Variants in ANAPC2 observed in about 807,000 individuals in gnomAD.
The protein encoded by ANAPC2 is anaphase promoting complex subunit 2.
A neutral mutation model predicts 84.3 loss-of-function variants in ANAPC2; 29 were observed. The observed-to-expected ratio is 0.34, with a 90% CI of 0.26 to 0.47. The LOEUF (loss-of-function observed/expected upper bound fraction) is 0.47. Ranked by LOEUF, ANAPC2 falls within the 20% of genes least tolerant of loss-of-function variation. The pLI is 1.00. For missense variants in ANAPC2, 857 were observed against 1,131.7 expected (o/e 0.76, Z 3.48); for synonymous variants, 571 against 479.4 (o/e 1.19, Z -2.50).
At chr9:137,187,329 A>C in intron 2 of ANAPC2, 152 bp downstream of exon 2, 1 of 963,858 alleles carries the variant, frequency 1.0e-6, no homozygotes, top group Non-Finnish European at 1.5e-6. Flanking sequence ...TGTGTCCAGG[A>C]CACGCTGCAC....
chr9:137,180,895 G>A lies in ANAPC2; in HGVS notation c.1503C>T (p.Ile501=). The change falls in exon 8 of 13, where the codon ATC becomes ATT. Residue 501 remains isoleucine, a synonymous_variant. Coordinates refer to ENST00000323927, the MANE Select transcript of ANAPC2 (RefSeq NM_013366.4). The part of the protein sequence containing the change: ...KSSSKRRSSD[I]ISLLVSIYGS... ...CGTAGATGCTGACCAGCAGGCTGAT[G>A]ATGTCCGATGAACGCCGCTTGGAGC... The A allele has an allele frequency of 6.2e-7, 1 of 1,613,526 alleles. No homozygotes were observed. The highest frequency in any genetic ancestry group is 8.5e-7 in the Non-Finnish European group (1 of 1,179,934).
intron 8 of ANAPC2, 26 bp downstream of exon 8, chr9:137,180,762 G>C: frequency 6.2e-7 from 1 of 1,603,974 alleles, no homozygotes; most frequent in Non-Finnish European, 8.5e-7. Flanking sequence ...CACCCCTGGA[G>C]ATGGCCAGCG....
intron 3 of ANAPC2, among the ~76,000 whole-genome samples, chr9:137,185,311 C>T (rs561485233): frequency 6.6e-5 from 10 of 152,348 alleles, no homozygotes; most frequent in East Asian, 5.8e-4. Flanking sequence ...CTCTCACACG[C>T]GCCAGTGCCC....
intron 10 of ANAPC2, among the ~76,000 whole-genome samples, chr9:137,179,659 G>C (rs534976982): frequency 7.2e-5 from 11 of 152,348 alleles, no homozygotes; most frequent in East Asian, 3.9e-4. Flanking sequence ...CGGTCCTCAA[G>C]TACCACTGGA....
intron 3 of ANAPC2, 142 bp from the exon 4 acceptor site, chr9:137,185,229 G>T: frequency 1.1e-6 from 1 of 892,956 alleles, no homozygotes; most frequent in Non-Finnish European, 1.6e-6. Flanking sequence ...CTGGAGGCTG[G>T]AGCACATCAA....
chr9:137,175,439 A>G lies in ANAPC2; in HGVS notation c.2054T>C (p.Val685Ala). The change falls in exon 12 of 13, where the codon GTG becomes GCG. Residue 685 changes from valine (V) to alanine (A), a missense_variant. Transcript: ENST00000323927. The part of the protein sequence containing the change: ...SWTLEELSKA[V>A]KMPVALLRRR... ...CCGCAGCAGCGCCACGGGCATCTTC[A>G]CCGCCTTGCTCAGTTCCTCCAGGGT... 9 of 1,597,666 alleles carry G rather than the reference A, an allele frequency of 5.6e-6. No individual in the cohort carries two copies. The highest frequency in any genetic ancestry group is 7.7e-6 in the Non-Finnish European group (9 of 1,173,416).
chr9:137,186,131 G>C, intron 3 of ANAPC2, 93 bp downstream of exon 3: 2 of 1,548,620 alleles, frequency 1.3e-6, no homozygotes, highest in Non-Finnish European at 1.8e-6. Context: ...CCAGGCCTCC[G>C]TGCTCTGGAT....
At position 137,180,781 on chromosome 9, in the gene ANAPC2, G is replaced by C. The variant is rs1834326781; in HGVS notation, c.1610+7C>G. 1 of 1,609,488 alleles carries C rather than the reference G, an allele frequency of 6.2e-7. No individual in the cohort carries two copies. Among genetic ancestry groups the C allele is most frequent in the African/African-American group, 1.3e-5 (1 of 74,928 alleles). ...CCTGGAGATGGCCAGCGCGTCACAG[G>C]CCTCACCGCTCGGGGCTGAAGCTGA... On this transcript the variant is annotated splice_region_variant and intron_variant, in intron 8 of 12. Transcript: ENST00000323927.
At chr9:137,182,532 A>C (rs1834366275) in intron 6 of ANAPC2, among the ~76,000 whole-genome samples, 1 of 152,002 alleles carries the variant, frequency 6.6e-6, no homozygotes, top group Non-Finnish European at 1.5e-5. Context: ...AAAACAAAGA[A>C]CTGGCTCAGA....
In ANAPC2 at chr9:137,174,903, G is replaced by C; in HGVS notation, c.*39C>G. The C allele has an allele frequency of 4.8e-6, 7 of 1,468,600 alleles. No individual in the cohort carries two copies. The highest frequency in any genetic ancestry group is 6.3e-6 in the Non-Finnish European group (7 of 1,105,538). 91.0% of individuals were successfully genotyped at this position (1,468,600 alleles called of 1,614,324 possible). On this transcript the variant is annotated 3_prime_UTR_variant, in exon 13 of 13. Coordinates refer to ENST00000323927, the MANE Select transcript of ANAPC2 (RefSeq NM_013366.4). The surrounding 1 kb of genome is among the most constrained non-coding windows in gnomAD (Gnocchi z 6.1). ...CACGGGAGGACGAGAGCACCTGCAG[G>C]GCAGCGCCTGGCGGGCGGGCGGGCG...
At position 137,187,747 on chromosome 9, in the gene ANAPC2, G is replaced by C; in HGVS notation, c.474C>G (p.Arg158=). The change falls in exon 2 of 13, where the codon CGC becomes CGG. Residue 158 remains arginine, a synonymous_variant. Coordinates refer to ENST00000323927, the MANE Select transcript of ANAPC2 (RefSeq NM_013366.4). ...GLREEVHTML[R]GVLFFSTPRT... Reference sequence around the variant, plus strand: ...TGGGGGTGCTAAAGAACAAGACTCCGCGCAACATAGTGTGGACTTCTTCTC... The same window carrying C: ...TGGGGGTGCTAAAGAACAAGACTCCCCGCAACATAGTGTGGACTTCTTCTC... The C allele has an allele frequency of 6.2e-7, 1 of 1,613,780 alleles. No homozygotes were observed. Among genetic ancestry groups the C allele is most frequent in the Non-Finnish European group, 8.5e-7 (1 of 1,180,026 alleles).
intron 1 of ANAPC2, 44 bp from the exon 2 acceptor site, chr9:137,188,147 G>A (rs1164077947): frequency 1.9e-6 from 3 of 1,579,030 alleles, no homozygotes; most frequent in Admixed American, 1.7e-5. Context: ...ACAACATAGA[G>A]GTGGGGAGAG....
intron 4 of ANAPC2, among the ~76,000 whole-genome samples, chr9:137,184,698 G>A (rs562638549): frequency 1.2e-3 from 164 of 134,670 alleles, no homozygotes; most frequent in Non-Finnish European, 2.0e-3. Context: ...GAGCAGACAC[G>A]GCGAAGGCAC....
chr9:137,188,150 G>A, intron 1 of ANAPC2, 47 bp from the exon 2 acceptor site: 1 of 1,571,816 alleles, frequency 6.4e-7, no homozygotes, highest in South Asian at 1.1e-5. Context: ...ACATAGAGGT[G>A]GGGAGAGGCG....
At chr9:137,186,663 G>A (rs867358295) in intron 2 of ANAPC2, 1 of 412,104 alleles carries the variant, frequency 2.4e-6, no homozygotes, top group Non-Finnish European at 4.4e-6. Context: ...GGGGGCCCTA[G>A]CCTTATCTCC....
At chr9:137,188,178 A>G in intron 1 of ANAPC2, 75 bp from the exon 2 acceptor site, 1 of 1,530,360 alleles carries the variant, frequency 6.5e-7, no homozygotes, top group Non-Finnish European at 8.8e-7. Flanking sequence ...GAAGAAGCTG[A>G]GGGGGAGGCT....
At chr9:137,183,027 G>T in intron 6 of ANAPC2, 98 bp downstream of exon 6, 1 of 967,916 alleles carries the variant, frequency 1.0e-6, no homozygotes, top group Non-Finnish European at 1.6e-6. Flanking sequence ...CTTGTGTCCT[G>T]ACGGCCGAAC....
At chr9:137,176,298 G>A (rs185774642) in intron 10 of ANAPC2, 7 of 158,362 alleles carry the variant, frequency 4.4e-5, no homozygotes, top group African/African-American at 1.7e-4. Context: ...AGAAGCTGGG[G>A]GGCAACGGAG....
chr9:137,183,393 C>T (rs904810803), intron 5 of ANAPC2, 151 bp from the exon 6 acceptor site: 2 of 795,456 alleles, frequency 2.5e-6, no homozygotes, highest in Non-Finnish European at 4.2e-6. Flanking sequence ...CCCACCTCTA[C>T]CTGTTCACAG....
Sources: gnomAD v4.1 joint callset for allele counts (sites outside exome capture counted in the v4.1 genomes callset) on GRCh38, gnomAD v4.1.1 for gene constraint, Gnocchi (gnomAD v3.1) non-coding constraint, MANE v1.5 for transcripts, NCBI Gene and HGNC (gene_info 2026-07-23, HGNC 2026-07-21) for gene names.